Variants in LRP1 observed in about 807,000 individuals in gnomAD.
The protein encoded by LRP1 is prolow-density lipoprotein receptor-related protein 1.
LRP1 carries 51 observed loss-of-function variants against 541.5 expected under a neutral mutation model. The ratio of observed to expected loss-of-function variants is 0.09; its 90% confidence interval spans 0.08 to 0.12. LRP1 has a LOEUF of 0.12. LRP1 is among the 10% of genes least tolerant of loss of function. The pLI, the probability that LRP1 is intolerant of heterozygous loss-of-function variation, is 1.00. For synonymous variants in LRP1, 2,219 were observed against 2,470.8 expected (o/e 0.90, Z 3.02); for missense variants, 3,878 against 6,376.2 (o/e 0.61, Z 13.34).
chr12:57,174,847 G>T (rs2036012242), intron 22 of LRP1, among the ~76,000 whole-genome samples: 1 of 152,170 alleles, frequency 6.6e-6, no homozygotes, highest in African/African-American at 2.4e-5. Flanking sequence ...AGTCAGGGAG[G>T]ACCATGTGGT....
intron 20 of LRP1, 94 bp downstream of exon 20, chr12:57,169,401 C>T (rs533801783): frequency 6.5e-6 from 8 of 1,237,240 alleles, no homozygotes; most frequent in Middle Eastern, 2.1e-4. Context: ...CACGGTGTGT[C>T]GGCCACCATC....
rs761844318 is a variant in LRP1, at chr12:57,141,443, C to T, written c.260C>T (p.Pro87Leu). Reference sequence around the variant, plus strand: ...TGCCTGGGTACTGAGCTGTGTGTTCCCATGTCCCGCCTCTGCAATGGGGTC... The same window carrying T: ...TGCCTGGGTACTGAGCTGTGTGTTCTCATGTCCCGCCTCTGCAATGGGGTC... The part of the protein sequence containing the change: ...HNCLGTELCV[P>L]MSRLCNGVQD... The change falls in exon 3 of 89, where the codon CCC (proline) becomes CTC (leucine). Residue 87 changes from proline to leucine, a missense_variant. Around this residue, in one of 13 missense-constraint regions of LRP1, gnomAD observed 293 missense variants for 403.7 expected, o/e 0.73. Transcript: ENST00000243077. The T allele has an allele frequency of 6.2e-7, 1 of 1,614,050 alleles. No homozygotes were observed. The highest frequency in any genetic ancestry group is 1.3e-5 in the African/African-American group (1 of 74,930).
At position 57,208,720 on chromosome 12, in the gene LRP1, C is replaced by T. The variant is rs770283961; in HGVS notation, c.12048C>T (p.Tyr4016=). 6 of 1,611,214 alleles carry T rather than the reference C, an allele frequency of 3.7e-6. No individual in the cohort carries two copies. In the South Asian group the frequency reaches 6.6e-5, roughly 18 times the overall value. Residue 4016 remains tyrosine, a synonymous_variant, in exon 78 of 89, where the codon TAC becomes TAT. Coordinates refer to ENST00000243077, the MANE Select transcript of LRP1 (RefSeq NM_002332.3). ...IVVDPLRGTM[Y]WSDWGNHPKI... ...CCTTCTCCCTCCCCAGGACCATGTA[C>T]TGGTCAGACTGGGGCAACCACCCCA... is the stretch of plus-strand genomic sequence containing the variant.
intron 11 of LRP1, 67 bp from the exon 12 acceptor site, chr12:57,159,758 G>T: frequency 6.5e-7 from 1 of 1,545,594 alleles, no homozygotes; most frequent in Non-Finnish European, 8.9e-7. Context: ...AGTCCGGGAG[G>T]GCCAGAGGCA....
In LRP1 at chr12:57,162,935, G is replaced by T; in HGVS notation, c.2482G>T (p.Ala828Ser). Residue 828 changes from alanine (A) to serine (S), a missense_variant, in exon 15 of 89, where the codon GCC (alanine) becomes TCC (serine). Ala to Ser is a moderately conservative substitution (Grantham distance 99, BLOSUM62 1). Around this residue, in one of 13 missense-constraint regions of LRP1, gnomAD observed 496 missense variants for 861.0 expected, o/e 0.58. Transcript: ENST00000243077. This position sits in a 1 kb window ranked among gnomAD's most constrained non-coding sequence, Gnocchi z 5.2. ...CLATPGSRQCACAEDQVLDAD... is the reference protein window; with the variant it reads ...CLATPGSRQCSCAEDQVLDAD... ...GGCCACCCCTGGGAGCCGCCAGTGC[G>T]CCTGTGCTGAGGACCAGGTGTTGGA... 6.2e-7 allele frequency: 1 copy of T among 1,608,226 alleles called. No individual in the cohort carries two copies.
chr12:57,166,376 G>A (rs2035840396), intron 17 of LRP1, 167 bp downstream of exon 17: 1 of 852,480 alleles, frequency 1.2e-6, no homozygotes, highest in Non-Finnish European at 1.7e-6. Flanking sequence ...CCAACATAGT[G>A]AGACCTCCCA....
chr12:57,191,045 G>A (rs759513741), intron 43 of LRP1, 36 bp downstream of exon 43: 68 of 1,581,220 alleles, frequency 4.3e-5, no homozygotes, highest in Non-Finnish European at 5.6e-5. Context: ...GCGGGCGGCT[G>A]AGGGGAGGCC....
At chr12:57,145,588 G>A (rs1191778295) in intron 6 of LRP1, 98 bp downstream of exon 6, 1 of 1,458,242 alleles carries the variant, frequency 6.9e-7, no homozygotes, top group African/African-American at 1.4e-5. Flanking sequence ...ACACAGGATG[G>A]TCCTGTCTGG....
At chr12:57,208,541 C>T (rs2036837166) in intron 77 of LRP1, 170 bp from the exon 78 acceptor site, 1 of 594,572 alleles carries the variant, frequency 1.7e-6, no homozygotes, top group Non-Finnish European at 3.0e-6. Context: ...AGGAAAAGCC[C>T]CTCAACCTGC....
intron 45 of LRP1, 31 bp downstream of exon 45, chr12:57,193,001 G>A: frequency 6.2e-7 from 1 of 1,607,472 alleles, no homozygotes; most frequent in Non-Finnish European, 8.5e-7. Context: ...GGGCTGGCGG[G>A]GAACCCAAGC....
chr12:57,209,266 C>A, intron 79 of LRP1, 67 bp downstream of exon 79: 1 of 1,274,354 alleles, frequency 7.8e-7, no homozygotes, highest in Non-Finnish European at 1.1e-6. Flanking sequence ...CCTACTGAGC[C>A]AAAGGCCTCA....
chr12:57,145,427 C>G lies in LRP1; in HGVS notation c.778C>G (p.Arg260Gly). 1 of 1,614,118 alleles carries G rather than the reference C, an allele frequency of 6.2e-7. No homozygotes were observed. Among genetic ancestry groups the G allele is most frequent in the Non-Finnish European group, 8.5e-7 (1 of 1,180,028 alleles). The stretch of plus-strand genomic sequence containing the variant: ...TGCTCAGACGCAGCTCAAGTGTGCC[C>G]GCATGCCTGGCCTAAAGGGCTTCGT... ...SAAQTQLKCARMPGLKGFVDE... is the reference protein window; with the variant it reads ...SAAQTQLKCAGMPGLKGFVDE... Residue 260 changes from arginine to glycine, a missense_variant, in exon 6 of 89, where the codon CGC becomes GGC. Around this residue, in one of 13 missense-constraint regions of LRP1, gnomAD observed 293 missense variants for 403.7 expected, o/e 0.73. Coordinates refer to ENST00000243077, the MANE Select transcript of LRP1 (RefSeq NM_002332.3).
intron 6 of LRP1, among the ~76,000 whole-genome samples, chr12:57,148,405 G>C (rs567350451): frequency 7.2e-5 from 11 of 152,194 alleles, no homozygotes; most frequent in Admixed American, 2.0e-4. Flanking sequence ...GGATCAACAG[G>C]CCTGATAGTC....
In LRP1 at chr12:57,178,850, A is replaced by G; in HGVS notation, c.4607-40A>G. The G allele has an allele frequency of 4.4e-6, 7 of 1,588,232 alleles. No homozygotes were observed. The highest frequency in any genetic ancestry group is 6.0e-6 in the Non-Finnish European group (7 of 1,170,780). On this transcript the variant is annotated intron_variant, in intron 27 of 88. Transcript: ENST00000243077. The surrounding 1 kb of genome is among the most constrained non-coding windows in gnomAD (Gnocchi z 5.8). ...GTCCATGTAGGGAGCAGCAAGTCAC[A>G]GGATGCTCTGGCTTCTTCTCTTCTC...
At chr12:57,149,221 C>A in intron 6 of LRP1, 1 of 439,526 alleles carries the variant, frequency 2.3e-6, no homozygotes, top group African/African-American at 2.0e-5. Context: ...CTTTCTGACC[C>A]ATGGGATGCC....
At chr12:57,188,389 G>A (rs762243600) in intron 42 of LRP1, among the ~76,000 whole-genome samples, 1 of 152,162 alleles carries the variant, frequency 6.6e-6, no homozygotes, top group Non-Finnish European at 1.5e-5. Context: ...GTATAGATAC[G>A]TGAGTGTCCC....
chr12:57,205,045 G>C lies in LRP1; in HGVS notation c.11195-64G>C. Reference sequence around the variant, plus strand: ...GAATTGGGAGCCACTGTTATCTATGGGGTTGCCGTGGGAGGAGGAGGCAGG... The same window carrying C: ...GAATTGGGAGCCACTGTTATCTATGCGGTTGCCGTGGGAGGAGGAGGCAGG... On this transcript the variant is annotated intron_variant, in intron 72 of 88. Transcript: ENST00000243077. The surrounding 1 kb of genome is among the most constrained non-coding windows in gnomAD (Gnocchi z 4.6). 6.5e-7 allele frequency: 1 copy of C among 1,549,298 alleles called. No individual in the cohort carries two copies. The highest frequency in any genetic ancestry group is 8.7e-7 in the Non-Finnish European group (1 of 1,144,336).
chr12:57,154,917 A>G lies in LRP1; in HGVS notation c.1227+216A>G. 3.3e-6 allele frequency: 2 copies of G among 605,616 alleles called. No homozygotes were observed. The highest frequency in any genetic ancestry group is 2.0e-5 in the South Asian group (1 of 51,012). The allele number at this position is 605,616 out of a possible 1,614,324, so 37.5% of individuals were successfully genotyped here. ...TGGGAACAGTCATTTTAGAAACACCACTTCTGTTTACTTCCTGTTTCTCAT... is the reference window on the plus strand; with the variant it reads ...TGGGAACAGTCATTTTAGAAACACCGCTTCTGTTTACTTCCTGTTTCTCAT... On this transcript the variant is annotated intron_variant, in intron 8 of 88. Coordinates refer to ENST00000243077, the MANE Select transcript of LRP1 (RefSeq NM_002332.3). The surrounding 1 kb of genome is among the most constrained non-coding windows in gnomAD (Gnocchi z 4.6).
intron 81 of LRP1, 49 bp downstream of exon 81, chr12:57,210,218 TC>T: frequency 6.4e-7 from 1 of 1,551,778 alleles, no homozygotes; most frequent in Non-Finnish European, 8.7e-7. Context: ...ACCATCTCCT[TC>T]CTGTGGCTCC....
Sources: gnomAD v4.1 joint callset for allele counts (sites outside exome capture counted in the v4.1 genomes callset) on GRCh38, gnomAD v4.1.1 for gene constraint, gnomAD v4.1.1 regional missense constraint, Gnocchi (gnomAD v3.1) non-coding constraint, MANE v1.5 for transcripts, NCBI Gene and HGNC (gene_info 2026-07-23, HGNC 2026-07-21) for gene names.